Variants in MAP1LC3A observed in about 807,000 individuals in gnomAD.
The protein encoded by MAP1LC3A is microtubule-associated protein 1 light chain 3 alpha.
In MAP1LC3A, 10 loss-of-function variants were observed where a neutral mutation model predicts 15.2. The ratio of observed to expected loss-of-function variants is 0.66; its 90% confidence interval spans 0.41 to 1.12. The LOEUF (loss-of-function observed/expected upper bound fraction) is 1.12. Among genes scored for constraint, MAP1LC3A ranks in the 50% most tolerant of loss-of-function variants. MAP1LC3A has a pLI of 0.00. For missense variants in MAP1LC3A, 138 were observed against 167.3 expected, an observed-to-expected ratio of 0.82 and a Z score of 0.97; for synonymous variants, 63 against 64.3, an observed-to-expected ratio of 0.98 and a Z score of 0.10.
chr20:34,554,783 C>T (rs1982089275), upstream of MAP1LC3A, among the ~76,000 whole-genome samples: 1 of 152,180 alleles, frequency 6.6e-6, no homozygotes, highest in Non-Finnish European at 1.5e-5. Context: ...ATTCTCATGC[C>T]TCAGCCTCCC....
intron 1 of MAP1LC3A, among the ~76,000 whole-genome samples, chr20:34,549,298 T>G (rs1003146782): frequency 6.6e-6 from 1 of 152,222 alleles, no homozygotes; most frequent in Non-Finnish European, 1.5e-5. Context: ...AGTGCTGGGA[T>G]TACAGGCACG....
At chr20:34,558,672 G>T (rs570540226), upstream of MAP1LC3A, 2 of 1,242,904 alleles carry the variant, frequency 1.6e-6, no homozygotes, top group Non-Finnish European at 2.0e-6. The surrounding 1 kb of genome is among the most constrained non-coding windows in gnomAD (Gnocchi z 4.3). Context: ...CAATGGGAGC[G>T]GCGCACTGGC....
At position 34,558,849 on chromosome 20, in the gene MAP1LC3A, C is replaced by G; in HGVS notation, c.-20C>G. On this transcript the variant is annotated 5_prime_UTR_variant, in exon 1 of 4. Transcript: ENST00000360668. The surrounding 1 kb of genome is among the most constrained non-coding windows in gnomAD (Gnocchi z 4.3). The stretch of plus-strand genomic sequence containing the variant: ...CCGCGCCCCAGAGCCCCGGCCTGCG[C>G]GCCCAGCCGGGCCCGCGCGATGCCC... The G allele has an allele frequency of 7.0e-7, 1 of 1,435,212 alleles. No individual in the cohort carries two copies. Among genetic ancestry groups the G allele is most frequent in the Non-Finnish European group, 9.1e-7 (1 of 1,100,836 alleles). 88.9% of individuals were successfully genotyped at this position (1,435,212 alleles called of 1,614,324 possible).
intron 2 of MAP1LC3A, among the ~76,000 whole-genome samples, chr20:34,551,982 C>T (rs745349060): frequency 3.9e-5 from 6 of 152,148 alleles, no homozygotes; most frequent in East Asian, 1.9e-4. Flanking sequence ...TGGACAGAGA[C>T]GTAATAAAGC....
intron 2 of MAP1LC3A, chr20:34,550,088 C>G: frequency 6.5e-7 from 1 of 1,548,612 alleles, no homozygotes; most frequent in Admixed American, 1.7e-5. Context: ...TCTGTCCACA[C>G]TCGCGGTCAT....
chr20:34,549,978 A>G (rs1416339424), exon 2 of MAP1LC3A: 1 of 1,614,068 alleles, frequency 6.2e-7, no homozygotes. Flanking sequence ...AGTTTTGCAG[A>G]TGAAGATGAG....
chr20:34,555,620 G>A (rs7273799), upstream of MAP1LC3A, among the ~76,000 whole-genome samples: 872 of 151,230 alleles, frequency 5.8e-3, 8 homozygotes, highest in African/African-American at 0.02. Context: ...TATTATCTAA[G>A]TAATACATCT....
At chr20:34,554,546 G>A (rs1277884035), upstream of MAP1LC3A, among the ~76,000 whole-genome samples, 1 of 150,836 alleles carries the variant, frequency 6.6e-6, no homozygotes, top group Non-Finnish European at 1.5e-5. Context: ...GCTAATTTTT[G>A]TATTTTTAGT....
At chr20:34,553,691 T>C (rs904413936) in intron 2 of MAP1LC3A, among the ~76,000 whole-genome samples, 2 of 152,154 alleles carry the variant, frequency 1.3e-5, no homozygotes, top group African/African-American at 4.8e-5. Flanking sequence ...TTTATCCAGA[T>C]CCAGCCAATC....
upstream of MAP1LC3A, among the ~76,000 whole-genome samples, chr20:34,555,537 C>T (rs2146675893): frequency 6.6e-6 from 1 of 152,238 alleles, no homozygotes; most frequent in East Asian, 1.9e-4. Context: ...ACCTGGGCCT[C>T]CCAAAGTGCT....
Position 34,560,095 on chromosome 20 carries a change from G to T in MAP1LC3A, c.*197G>T. ...CCGGTCGTGTTAGGGTTGTCCCTCT[G>T]GGTGCTGGCTGGTGGGATGGGGGAG... is the stretch of plus-strand genomic sequence containing the variant. On this transcript the variant is annotated 3_prime_UTR_variant, in exon 4 of 4. Coordinates refer to ENST00000360668, the MANE Select transcript of MAP1LC3A (RefSeq NM_032514.4). 1 of 520,376 alleles carries T rather than the reference G, an allele frequency of 1.9e-6. No homozygotes were observed. The highest frequency in any genetic ancestry group is 3.4e-6 in the Non-Finnish European group (1 of 294,584). The allele number at this position is 520,376 out of a possible 1,614,324, so 32.2% of individuals were successfully genotyped here. A position where few individuals can be genotyped will look rare whatever the true frequency, so the allele number is the denominator to read the frequency against.
chr20:34,549,523 C>A (rs768440196), intron 1 of MAP1LC3A, among the ~76,000 whole-genome samples: 6 of 152,130 alleles, frequency 3.9e-5, no homozygotes, highest in Non-Finnish European at 8.8e-5. Context: ...AAGAACCAGC[C>A]GGTGGTAGAA....
chr20:34,549,359 C>A (rs1458131778), intron 1 of MAP1LC3A, among the ~76,000 whole-genome samples: 1 of 152,178 alleles, frequency 6.6e-6, no homozygotes, highest in African/African-American at 2.4e-5. Flanking sequence ...AACTGCCAAT[C>A]CTTCCTCGGA....
At chr20:34,550,674 C>G (rs1469851664) in intron 2 of MAP1LC3A, among the ~76,000 whole-genome samples, 1 of 152,220 alleles carries the variant, frequency 6.6e-6, no homozygotes, top group Non-Finnish European at 1.5e-5. Context: ...TCCCGCACAT[C>G]GCTGATGGGA....
intron 3 of MAP1LC3A, 37 bp downstream of exon 3, chr20:34,559,490 C>G: frequency 6.4e-7 from 1 of 1,567,012 alleles, no homozygotes; most frequent in Non-Finnish European, 8.7e-7. Context: ...TGGCTAGGGT[C>G]GGGAGGGGAG....
chr20:34,549,913 G>A (rs2146669627), exon 2 of MAP1LC3A: 1 of 1,455,188 alleles, frequency 6.9e-7, no homozygotes, highest in Non-Finnish European at 9.6e-7. Flanking sequence ...AGGACTCCAT[G>A]GCTTCCGAGT....
intron 2 of MAP1LC3A, among the ~76,000 whole-genome samples, chr20:34,551,467 C>CTTTTTTTTTTTTTT (rs58191574): frequency 9.5e-6 from 1 of 104,810 alleles, no homozygotes; most frequent in Non-Finnish European, 1.9e-5. Flanking sequence ...GAACGCTGTC[C>CTTTTTTTTTTTTTT]TTTTTTTTTT....
intron 1 of MAP1LC3A, among the ~76,000 whole-genome samples, chr20:34,547,642 T>C (rs1344028436): frequency 6.6e-6 from 1 of 152,106 alleles, no homozygotes; most frequent in Non-Finnish European, 1.5e-5. Flanking sequence ...CCTCCTGCGT[T>C]CATTCTCTCT....
intron 1 of MAP1LC3A, among the ~76,000 whole-genome samples, chr20:34,547,135 GGA>G (rs1286017758): frequency 6.6e-6 from 1 of 152,202 alleles, no homozygotes; most frequent in Non-Finnish European, 1.5e-5. Flanking sequence ...TCGCAGGAGA[GGA>G]GAGAAAACAT....
Sources: gnomAD v4.1 joint callset for allele counts (sites outside exome capture counted in the v4.1 genomes callset) on GRCh38, gnomAD v4.1.1 for gene constraint, Gnocchi (gnomAD v3.1) non-coding constraint, MANE v1.5 for transcripts, NCBI Gene and HGNC (gene_info 2026-07-23, HGNC 2026-07-21) for gene names.